CNTN4: variants seen among roughly 807,000 people sequenced by gnomAD.
The protein encoded by CNTN4 is contactin-4.
In CNTN4, 77 loss-of-function variants were observed where a neutral mutation model predicts 122.5. That is an observed-to-expected ratio of 0.63 (90% CI 0.52 to 0.76). CNTN4 has a LOEUF of 0.76. Among genes scored for constraint, CNTN4 ranks in the 30% least tolerant of loss-of-function variants. The probability of loss-of-function intolerance (pLI) is 0.00; values close to 1 mark genes in which losing one functional copy is unlikely to be tolerated. For synonymous variants in CNTN4, 512 were observed against 447.0 expected, an observed-to-expected ratio of 1.15 and a Z score of -1.83; for missense variants, 1,256 against 1,259.1, an observed-to-expected ratio of 1.00 and a Z score of 0.04.
chr3:2,673,055 A>G (rs2084627506), intron 4 of CNTN4, among the ~76,000 whole-genome samples: 1 of 152,218 alleles, frequency 6.6e-6, no homozygotes, highest in Non-Finnish European at 1.5e-5. Flanking sequence ...AATGGCAAGT[A>G]TGTTATTTTG....
intron 8 of CNTN4, among the ~76,000 whole-genome samples, chr3:2,876,200 A>C (rs1045410043): frequency 5.3e-5 from 8 of 152,168 alleles, no homozygotes; most frequent in Non-Finnish European, 1.2e-4. Context: ...TTGTCTCAAC[A>C]GTTGTTGCCC....
At chr3:2,420,029 T>A (rs146029928) in intron 3 of CNTN4, among the ~76,000 whole-genome samples, 251 of 152,284 alleles carry the variant, frequency 1.6e-3, no homozygotes, top group African/African-American at 5.4e-3. Context: ...CAGTCTGGCA[T>A]GTAGAGTCAG....
At chr3:2,588,578 A>C (rs2046036) in intron 4 of CNTN4, among the ~76,000 whole-genome samples, 2 of 151,944 alleles carry the variant, frequency 1.3e-5, no homozygotes, top group Non-Finnish European at 2.9e-5. Flanking sequence ...TGTTGGCCAG[A>C]CTGGTCTTGA....
At chr3:2,972,599 T>G (rs1196831034) in intron 13 of CNTN4, among the ~76,000 whole-genome samples, 1 of 152,210 alleles carries the variant, frequency 6.6e-6, no homozygotes, top group African/African-American at 2.4e-5. Flanking sequence ...ATCAGTGTTT[T>G]CAGAACACTA....
intron 19 of CNTN4, chr3:3,039,206 C>T: frequency 1.8e-6 from 1 of 568,940 alleles, no homozygotes; most frequent in South Asian, 2.1e-5. Flanking sequence ...AGTTTTAATT[C>T]AATCCATCAC....
chr3:2,404,876 T>C (rs1016123627), intron 3 of CNTN4, among the ~76,000 whole-genome samples: 3 of 152,148 alleles, frequency 2.0e-5, no homozygotes, highest in Non-Finnish European at 4.4e-5. Flanking sequence ...TGCTTTCAAC[T>C]TATGTTATTC....
At chr3:2,218,699 C>T (rs2038947374) in intron 2 of CNTN4, among the ~76,000 whole-genome samples, 1 of 152,076 alleles carries the variant, frequency 6.6e-6, no homozygotes, top group African/African-American at 2.4e-5. Context: ...GATCTTTTTC[C>T]CTGATACAAA....
intron 2 of CNTN4, among the ~76,000 whole-genome samples, chr3:2,251,720 G>A (rs1398431704): frequency 6.6e-6 from 1 of 151,650 alleles, no homozygotes; most frequent in Non-Finnish European, 1.5e-5. Context: ...AGTTGATTTA[G>A]TATTACTTCT....
chr3:2,389,773 C>T (rs559495819), intron 3 of CNTN4, among the ~76,000 whole-genome samples: 2 of 152,212 alleles, frequency 1.3e-5, no homozygotes, highest in African/African-American at 4.8e-5. Context: ...GGTAGCATGA[C>T]AGTAATGGGA....
intron 12 of CNTN4, among the ~76,000 whole-genome samples, chr3:2,907,464 C>T (rs985188782): frequency 1.3e-5 from 2 of 151,470 alleles, no homozygotes; most frequent in African/African-American, 4.9e-5. Flanking sequence ...TCCCAGCTAT[C>T]TGGGAGGCTG....
intron 4 of CNTN4, among the ~76,000 whole-genome samples, chr3:2,601,601 T>A (rs1264950631): frequency 3.9e-5 from 6 of 152,202 alleles, no homozygotes; most frequent in Non-Finnish European, 8.8e-5. Flanking sequence ...CTGTTTTGGT[T>A]ACTGTAGCCT....
chr3:2,571,444 G>A lies in CNTN4; in HGVS notation c.-60G>A, dbSNP rs1307224762. The A allele has an allele frequency of 1.7e-6, 2 of 1,169,562 alleles. No individual in the cohort carries two copies. Among genetic ancestry groups the A allele is most frequent in the South Asian group, 1.2e-5 (1 of 81,858 alleles). 72.4% of individuals were successfully genotyped at this position (1,169,562 alleles called of 1,614,324 possible). On this transcript the variant is annotated 5_prime_UTR_variant, in exon 4 of 25. Transcript: ENST00000418658. Reference sequence around the variant, plus strand: ...AAAGGTTATACAAAACTTAAAAGAAGCAGCAATTCTATTCGCTTGTTATTG... The same window carrying A: ...AAAGGTTATACAAAACTTAAAAGAAACAGCAATTCTATTCGCTTGTTATTG...
At chr3:2,737,842 C>T (rs1404767651) in intron 5 of CNTN4, among the ~76,000 whole-genome samples, 1 of 152,174 alleles carries the variant, frequency 6.6e-6, no homozygotes, top group Non-Finnish European at 1.5e-5. Context: ...AAGAAATAAG[C>T]TTGACTTCCA....
intron 4 of CNTN4, among the ~76,000 whole-genome samples, chr3:2,715,312 G>A (rs1031700430): frequency 6.6e-6 from 1 of 152,178 alleles, no homozygotes; most frequent in South Asian, 2.1e-4. Context: ...TAAAAGCCAG[G>A]AGCCTATTTT....
At position 2,640,119 on chromosome 3, in the gene CNTN4, G is replaced by C. The variant is rs368723140; in HGVS notation, c.55+68561G>C. On this transcript the variant is annotated intron_variant, in intron 4 of 24. Transcript: ENST00000418658. ...GCTAAAGGATTAGAAATGAGTAAGA[G>C]AATAATCTGACATTGCTTTGCTTTT... 6.6e-5 allele frequency among the ~76,000 whole-genome samples: 10 copies of C among 152,318 alleles called. No homozygotes were observed. In the East Asian group the frequency reaches 1.5e-3, roughly 23 times the overall value.
At chr3:2,614,651 T>C (rs2081635929) in intron 4 of CNTN4, among the ~76,000 whole-genome samples, 1 of 152,224 alleles carries the variant, frequency 6.6e-6, no homozygotes, top group East Asian at 1.9e-4. Flanking sequence ...GCATAGACGA[T>C]GAATTTTTCT....
intron 4 of CNTN4, among the ~76,000 whole-genome samples, chr3:2,642,794 C>G (rs2082950017): frequency 6.6e-6 from 1 of 152,138 alleles, no homozygotes; most frequent in South Asian, 2.1e-4. Flanking sequence ...TCCTGCTATT[C>G]CTTCCTCACT....
At chr3:2,601,980 A>T (rs925745306) in intron 4 of CNTN4, among the ~76,000 whole-genome samples, 1 of 152,218 alleles carries the variant, frequency 6.6e-6, no homozygotes, top group Admixed American at 6.5e-5. Flanking sequence ...AAACAGAACC[A>T]ATGACAAAAA....
At chr3:2,214,186 G>A (rs1164477292) in intron 2 of CNTN4, among the ~76,000 whole-genome samples, 1 of 152,112 alleles carries the variant, frequency 6.6e-6, no homozygotes, top group East Asian at 1.9e-4. Flanking sequence ...TGTGGTGAAA[G>A]TACTTCCTCT....
Sources: allele counts gnomAD v4.1 joint callset (sites outside exome capture counted in the v4.1 genomes callset), GRCh38; gene constraint gnomAD v4.1.1; transcripts MANE v1.5; gene names NCBI Gene and HGNC (gene_info 2026-07-23, HGNC 2026-07-21).